The following RB1 variants were observed in gnomAD, a reference collection of about 807,000 sequenced individuals.
The protein encoded by RB1 is RB transcriptional corepressor 1, also known as retinoblastoma-associated protein.
A neutral mutation model predicts 135.4 loss-of-function variants in RB1; 18 were observed. That is an observed-to-expected ratio of 0.13 (90% confidence interval 0.09 to 0.20). The LOEUF is 0.20. Among genes scored for constraint, RB1 ranks in the 10% least tolerant of loss-of-function variants. The probability of loss-of-function intolerance (pLI) is 1.00; values close to 1 mark genes in which losing one functional copy is unlikely to be tolerated. For missense variants in RB1, 868 were observed against 1,110.0 expected, an observed-to-expected ratio of 0.78 and a Z score of 3.10; for synonymous variants, 365 against 373.2, an observed-to-expected ratio of 0.98 and a Z score of 0.25.
At chr13:48,308,525 T>C (rs1952105530) in intron 2 of RB1, among the ~76,000 whole-genome samples, 1 of 151,850 alleles carries the variant, frequency 6.6e-6, no homozygotes, top group Admixed American at 6.6e-5. Flanking sequence ...TGGTAGCAGA[T>C]GCCTGTAATC....
intron 21 of RB1, 38 bp downstream of exon 21, chr13:48,463,873 C>T (rs751253103): frequency 1.6e-6 from 2 of 1,233,598 alleles, no homozygotes; most frequent in South Asian, 1.2e-5. Context: ...TTGATAAATC[C>T]ATATCCATAA....
chr13:48,390,075 A>AT lies in RB1; in HGVS notation c.1695+8633dup, dbSNP rs1948599775. Among the ~76,000 whole-genome samples the AT allele has an allele frequency of 5.3e-5, 8 of 152,186 alleles. No homozygotes were observed. In the South Asian group the frequency reaches 1.2e-3, roughly 24 times the overall value. ...ACTGGGAGAATTGCCTGAGCCTGGG[A>AT]TGTTAAGGCTGCAGTGAGCTGTGAT... On this transcript the variant is annotated intron_variant, in intron 17 of 26. Coordinates refer to ENST00000267163, the MANE Select transcript of RB1 (RefSeq NM_000321.3).
intron 17 of RB1, among the ~76,000 whole-genome samples, chr13:48,451,848 G>T (rs1949329519): frequency 6.6e-6 from 1 of 151,802 alleles, no homozygotes; most frequent in Non-Finnish European, 1.5e-5. Flanking sequence ...TTGGGAGGGT[G>T]TATGTGTTCA....
At chr13:48,378,103 A>G (rs900136403) in intron 13 of RB1, among the ~76,000 whole-genome samples, 1 of 152,206 alleles carries the variant, frequency 6.6e-6, no homozygotes, top group African/African-American at 2.4e-5. Flanking sequence ...ATTACCTATG[A>G]CATGACTGTA....
intron 23 of RB1, among the ~76,000 whole-genome samples, chr13:48,465,663 G>T (rs1949436672): frequency 6.6e-6 from 1 of 151,514 alleles, no homozygotes; most frequent in African/African-American, 2.4e-5. Flanking sequence ...CATCTCACTA[G>T]GGAGTGCCAG....
At position 48,376,926 on chromosome 13, in the gene RB1, A is replaced by C. The variant is rs371805499; in HGVS notation, c.1224A>C (p.Thr408=). The change falls in exon 13 of 27, where the codon ACA becomes ACC. Residue 408 remains threonine (T), a synonymous_variant. Coordinates refer to ENST00000267163, the MANE Select transcript of RB1 (RefSeq NM_000321.3). ...GTTTTTACCTCCTAAAGAACTGCAC[A>C]GTGAATCCAAAAGAAAGTATACTGA... The part of the protein sequence containing the change: ...ENLISYFNNC[T]VNPKESILKR... The C allele has an allele frequency of 3.3e-5, 53 of 1,613,574 alleles. No homozygotes were observed. The South Asian group carries it at 5.7e-4, about 17-fold the overall frequency.
At chr13:48,449,185 G>A (rs1273475934) in intron 17 of RB1, among the ~76,000 whole-genome samples, 4 of 148,418 alleles carry the variant, frequency 2.7e-5, no homozygotes, top group African/African-American at 9.9e-5. Flanking sequence ...TTGTTATTTT[G>A]TTTTGGCATA....
At chr13:48,321,583 C>G (rs547952479) in intron 2 of RB1, among the ~76,000 whole-genome samples, 1 of 151,786 alleles carries the variant, frequency 6.6e-6, no homozygotes, top group African/African-American at 2.4e-5. Flanking sequence ...TGGCTGGGCG[C>G]GGTGGCTCAC....
intron 17 of RB1, among the ~76,000 whole-genome samples, chr13:48,409,699 G>A (rs1205870526): frequency 6.8e-6 from 1 of 146,778 alleles, no homozygotes; most frequent in African/African-American, 2.5e-5. Context: ...TCCTGCCTCT[G>A]CCTCCCGAGT....
At position 48,351,781 on chromosome 13, in the gene RB1, A is replaced by G. The variant is rs973386828; in HGVS notation, c.607+2758A>G. Among the ~76,000 whole-genome samples, 4 of 151,442 alleles carry G rather than the reference A, an allele frequency of 2.6e-5. 1 individual carries two copies. Among genetic ancestry groups the G allele is most frequent in the East Asian group, 1.9e-4 (1 of 5,152 alleles). ...CTCTGCCTCCCGGGTTTAAGTGATT[A>G]TCTTGCCTCAGCCTCCTGAGTAACT... On this transcript the variant is annotated intron_variant, in intron 6 of 26. Coordinates refer to ENST00000267163, the MANE Select transcript of RB1 (RefSeq NM_000321.3).
intron 7 of RB1, among the ~76,000 whole-genome samples, chr13:48,361,414 C>T (rs1027803077): frequency 2.6e-5 from 4 of 152,126 alleles, no homozygotes; most frequent in African/African-American, 9.7e-5. Flanking sequence ...CATGTAACTT[C>T]AACAGATAAT....
rs540185475 is a variant in RB1 at position 48,353,660 on chromosome 13, G to GTATT, written c.607+4639_607+4642dup. Reference sequence around the variant, plus strand: ...ATTAAAAAAAGAAAACTATAGGCCAGTATTTCTGAGGAATATTGATACAGA... The same window carrying GTATT: ...ATTAAAAAAAGAAAACTATAGGCCAGTATTTATTTCTGAGGAATATTGATACAGA... On this transcript the variant is annotated intron_variant, in intron 6 of 26. Transcript: ENST00000267163. Among the ~76,000 whole-genome samples the GTATT allele has an allele frequency of 2.8e-3, 427 of 152,164 alleles. 1 individual carries two copies. The highest frequency in any genetic ancestry group is 4.9e-3 in the Non-Finnish European group (332 of 67,978).
At chr13:48,318,823 C>CA (rs1952209405) in intron 2 of RB1, 1 of 978,636 alleles carries the variant, frequency 1.0e-6, no homozygotes, top group East Asian at 2.6e-5. Flanking sequence ...GAGCAGCTCT[C>CA]ACCTCTGGCC....
chr13:48,450,055 A>G (rs1383274003), intron 17 of RB1, among the ~76,000 whole-genome samples: 1 of 148,784 alleles, frequency 6.7e-6, no homozygotes, highest in East Asian at 2.0e-4. Flanking sequence ...ATTTTCTCCC[A>G]TTCTGTAGGT....
At chr13:48,352,424 T>C (rs1566189492) in intron 6 of RB1, among the ~76,000 whole-genome samples, 1 of 152,126 alleles carries the variant, frequency 6.6e-6, no homozygotes, top group Non-Finnish European at 1.5e-5. Context: ...AGGAATAGCC[T>C]TGAATCTGTA....
At position 48,374,357 on chromosome 13, in the gene RB1, A is replaced by G. The variant is rs4151528; in HGVS notation, c.1215+865A>G. On this transcript the variant is annotated intron_variant, in intron 12 of 26. Coordinates refer to ENST00000267163, the MANE Select transcript of RB1 (RefSeq NM_000321.3). The stretch of plus-strand genomic sequence containing the variant: ...TTGGGACCCACTGAAATGCTCATCC[A>G]CTAAAATTGGACATAGGGTCAGGAG... 3.1e-3 allele frequency among the ~76,000 whole-genome samples: 478 copies of G among 152,308 alleles called. 3 individuals are homozygous for G. Among genetic ancestry groups the G allele is most frequent in the Non-Finnish European group, 4.1e-3 (276 of 67,996 alleles).
chr13:48,324,785 A>G (rs1195638121), intron 2 of RB1, among the ~76,000 whole-genome samples: 1 of 151,096 alleles, frequency 6.6e-6, no homozygotes, highest in Non-Finnish European at 1.5e-5. Context: ...AGGAACCTCT[A>G]AACTATTCTT....
At chr13:48,340,232 T>C (rs1467160642) in intron 2 of RB1, among the ~76,000 whole-genome samples, 3 of 152,094 alleles carry the variant, frequency 2.0e-5, no homozygotes, top group Non-Finnish European at 2.9e-5. Flanking sequence ...AAAGATTTCA[T>C]AGATACCTAC....
rs189912695 is a variant in RB1, at chr13:48,464,851, T to A, written c.2212-147T>A. On this transcript the variant is annotated intron_variant, in intron 21 of 26. Coordinates refer to ENST00000267163, the MANE Select transcript of RB1 (RefSeq NM_000321.3). Reference sequence around the variant, plus strand: ...GAAGTAATTTTATTTATTTATTATTTTTTCCTTTATAATATGTGCTTCTTA... The same window carrying A: ...GAAGTAATTTTATTTATTTATTATTATTTCCTTTATAATATGTGCTTCTTA... 68 of 845,972 alleles carry A rather than the reference T, an allele frequency of 8.0e-5. No individual in the cohort carries two copies. In the Admixed American group the frequency reaches 1.9e-3, roughly 24 times the overall value. 52.4% of individuals were successfully genotyped at this position (845,972 alleles called of 1,614,324 possible). A position where few individuals can be genotyped will look rare whatever the true frequency, so the allele number is the denominator to read the frequency against.
Sources: gnomAD v4.1 joint callset for allele counts (sites outside exome capture counted in the v4.1 genomes callset) on GRCh38, gnomAD v4.1.1 for gene constraint, MANE v1.5 for transcripts, NCBI Gene and HGNC (gene_info 2026-07-23, HGNC 2026-07-21) for gene names.